Variants in DERA observed in about 807,000 individuals in gnomAD.
DERA encodes the protein 2-deoxy-D-ribose 5-phosphate aldolase.
DERA carries 15 observed loss-of-function variants against 41.1 expected under a neutral mutation model. The ratio of observed to expected loss-of-function variants is 0.37; its 90% CI spans 0.24 to 0.56. DERA has a LOEUF of 0.56. Among genes scored for constraint, DERA ranks in the 20% least tolerant of loss-of-function variants. The probability of loss-of-function intolerance (pLI) is 0.81; values close to 1 mark genes in which losing one functional copy is unlikely to be tolerated. For missense variants in DERA, 396 were observed against 403.4 expected, an observed-to-expected ratio of 0.98 and a Z score of 0.16; for synonymous variants, 139 against 137.4, an observed-to-expected ratio of 1.01 and a Z score of -0.08.
rs1000563901 is a variant in DERA at position 15,967,977 on chromosome 12, G to A, written c.508+5030G>A. Among the ~76,000 whole-genome samples the A allele has an allele frequency of 6.6e-6, 1 of 152,114 alleles. No individual in the cohort carries two copies. Among genetic ancestry groups the A allele is most frequent in the Non-Finnish European group, 1.5e-5 (1 of 68,028 alleles). The stretch of plus-strand genomic sequence containing the variant: ...AGAATTGAGGTGTGTATGTGAGGGA[G>A]GAATAGGCTTCTAAATGGGGAAAAT... On this transcript the variant is annotated intron_variant, in intron 5 of 8. Coordinates refer to ENST00000428559, the MANE Select transcript of DERA (RefSeq NM_015954.4). This position sits in a 1 kb window ranked among gnomAD's most constrained non-coding sequence, Gnocchi z 4.9.
At position 15,939,924 on chromosome 12, in the gene DERA, T is replaced by C. The variant is rs192786247; in HGVS notation, c.32-17012T>C. On this transcript the variant is annotated intron_variant, in intron 1 of 8. Transcript: ENST00000428559. ...TGTTTAAAATTTGGCAATGACAGCT[T>C]TTACTTTAGTTGTTAGACTATGGAA... is the stretch of plus-strand genomic sequence containing the variant. 1.2e-3 allele frequency among the ~76,000 whole-genome samples: 177 copies of C among 152,350 alleles called. 1 individual carries two copies. Among genetic ancestry groups the C allele is most frequent in the Non-Finnish European group, 2.1e-3 (143 of 68,026 alleles).
rs1398096154 is a variant in DERA, at chr12:16,037,373, G to C, written c.*627G>C. 1 of 152,136 alleles carries C rather than the reference G, an allele frequency of 6.6e-6. No homozygotes were observed. The highest frequency in any genetic ancestry group is 2.4e-5 in the African/African-American group (1 of 41,420). 9.4% of individuals were successfully genotyped at this position (152,136 alleles called of 1,614,324 possible). A position where few individuals can be genotyped will look rare whatever the true frequency, so the allele number is the denominator to read the frequency against. ...ATCCATTAAACATAAAAAGAGGTTT[G>C]ATCAGTGAGTCTCTGAATCTCTCTA... On this transcript the variant is annotated 3_prime_UTR_variant, in exon 9 of 9. Coordinates refer to ENST00000428559, the MANE Select transcript of DERA (RefSeq NM_015954.4). This position sits in a 1 kb window ranked among gnomAD's most constrained non-coding sequence, Gnocchi z 6.7.
rs1948523046 is a variant in DERA, at chr12:15,954,523, G to A, written c.32-2413G>A. Among the ~76,000 whole-genome samples, 1 of 152,206 alleles carries A rather than the reference G, an allele frequency of 6.6e-6. No homozygotes were observed. The highest frequency in any genetic ancestry group is 6.5e-5 in the Admixed American group (1 of 15,276). On this transcript the variant is annotated intron_variant, in intron 1 of 8. Transcript: ENST00000428559. The surrounding 1 kb of genome is among the most constrained non-coding windows in gnomAD (Gnocchi z 4.0). ...GCAGCAGTTCACTGTTCGCAAAGCA[G>A]GGAGGGCATTCTTGGTAGAAGGAGC...
At chr12:15,923,362 C>G (rs1363182082) in intron 1 of DERA, among the ~76,000 whole-genome samples, 2 of 152,154 alleles carry the variant, frequency 1.3e-5, no homozygotes, top group African/African-American at 4.8e-5. Flanking sequence ...TTCTGAAAAC[C>G]CTTCTGGTTC....
Position 15,993,394 on chromosome 12 carries a change from G to C in DERA, c.637+10958G>C, listed in dbSNP as rs947326700. ...TCTAAAGATTGTCACAAGTTACATG[G>C]AATCCCTCCTCTTAGGCTGCAAGTC... On this transcript the variant is annotated intron_variant, in intron 6 of 8. Coordinates refer to ENST00000428559, the MANE Select transcript of DERA (RefSeq NM_015954.4). This position sits in a 1 kb window ranked among gnomAD's most constrained non-coding sequence, Gnocchi z 4.4. Among the ~76,000 whole-genome samples the C allele has an allele frequency of 6.6e-6, 1 of 151,502 alleles. No homozygotes were observed. Among genetic ancestry groups the C allele is most frequent in the Non-Finnish European group, 1.5e-5 (1 of 67,936 alleles).
chr12:16,001,917 T>C lies in DERA; in HGVS notation c.637+19481T>C, dbSNP rs1948877566. Among the ~76,000 whole-genome samples, 1 of 152,188 alleles carries C rather than the reference T, an allele frequency of 6.6e-6. No individual in the cohort carries two copies. Among genetic ancestry groups the C allele is most frequent in the Non-Finnish European group, 1.5e-5 (1 of 68,032 alleles). ...GGACTTTTCAGACAAAATACTGCTTTCTTTGCCTAATCAAGTAAAGTTAGG... is the reference window on the plus strand; with the variant it reads ...GGACTTTTCAGACAAAATACTGCTTCCTTTGCCTAATCAAGTAAAGTTAGG... On this transcript the variant is annotated intron_variant, in intron 6 of 8. Coordinates refer to ENST00000428559, the MANE Select transcript of DERA (RefSeq NM_015954.4). This position sits in a 1 kb window ranked among gnomAD's most constrained non-coding sequence, Gnocchi z 4.1.
intron 5 of DERA, among the ~76,000 whole-genome samples, chr12:15,974,719 C>G (rs1410387508): frequency 6.6e-6 from 1 of 152,158 alleles, no homozygotes; most frequent in African/African-American, 2.4e-5. Flanking sequence ...TTTTCCTCAT[C>G]TAACTTTTAT....
chr12:16,025,194 T>C (rs1435943127), intron 6 of DERA, among the ~76,000 whole-genome samples: 2 of 152,134 alleles, frequency 1.3e-5, no homozygotes, highest in African/African-American at 4.8e-5. Flanking sequence ...ATAAACATGG[T>C]ATATATTAAT....
At position 15,924,563 on chromosome 12, in the gene DERA, T is replaced by C. The variant is rs975233135; in HGVS notation, c.31+13149T>C. ...CAAGTATGGTGTGACCTTGAACAAG[T>C]AATTTAATATCTGAGCTTCAGCTGT... On this transcript the variant is annotated intron_variant, in intron 1 of 8. Coordinates refer to ENST00000428559, the MANE Select transcript of DERA (RefSeq NM_015954.4). This position sits in a 1 kb window ranked among gnomAD's most constrained non-coding sequence, Gnocchi z 5.0. 3.3e-5 allele frequency among the ~76,000 whole-genome samples: 5 copies of C among 152,212 alleles called. No individual in the cohort carries two copies. Among genetic ancestry groups the C allele is most frequent in the African/African-American group, 1.2e-4 (5 of 41,452 alleles).
chr12:15,984,488 C>T lies in DERA; in HGVS notation c.637+2052C>T, dbSNP rs1019753257. Among the ~76,000 whole-genome samples the T allele has an allele frequency of 1.3e-4, 20 of 152,078 alleles. No homozygotes were observed. The highest frequency in any genetic ancestry group is 3.9e-4 in the East Asian group (2 of 5,190). On this transcript the variant is annotated intron_variant, in intron 6 of 8. Coordinates refer to ENST00000428559, the MANE Select transcript of DERA (RefSeq NM_015954.4). The surrounding 1 kb of genome is among the most constrained non-coding windows in gnomAD (Gnocchi z 4.5). ...GAGCACTTAGTATGAGTAATAAAACCGTATTCATGGTGTGCTTTACCAGGT... is the reference window on the plus strand; with the variant it reads ...GAGCACTTAGTATGAGTAATAAAACTGTATTCATGGTGTGCTTTACCAGGT...
At position 16,026,428 on chromosome 12, in the gene DERA, A is replaced by G. The variant is rs1949053759; in HGVS notation, c.638-6114A>G. ...ACAGCTCTATTTTCACAAATTTGAT[A>G]ACTTAGGTGAAATGGATCAATCCTC... On this transcript the variant is annotated intron_variant, in intron 6 of 8. Transcript: ENST00000428559. The surrounding 1 kb of genome is among the most constrained non-coding windows in gnomAD (Gnocchi z 4.4). Among the ~76,000 whole-genome samples the G allele has an allele frequency of 6.6e-6, 1 of 151,844 alleles. No individual in the cohort carries two copies. Among genetic ancestry groups the G allele is most frequent in the African/African-American group, 2.4e-5 (1 of 41,420 alleles).
chr12:16,024,080 G>A (rs145460362), intron 6 of DERA, among the ~76,000 whole-genome samples: 3 of 152,264 alleles, frequency 2.0e-5, no homozygotes, highest in Non-Finnish European at 1.5e-5. Context: ...TAGGTCAATA[G>A]AAACTTCTTA....
At chr12:15,958,463 G>GTA in intron 3 of DERA, 128 bp downstream of exon 3, 1 of 467,562 alleles carries the variant, frequency 2.1e-6, no homozygotes, top group Non-Finnish European at 3.3e-6. Context: ...CTCTTGCTGT[G>GTA]TATACATAGA....
intron 7 of DERA, among the ~76,000 whole-genome samples, chr12:16,034,469 T>C (rs1949113607): frequency 6.6e-6 from 1 of 152,200 alleles, no homozygotes; most frequent in South Asian, 2.1e-4. Flanking sequence ...CATCCTAGTT[T>C]TATTAAGAAA....
intron 1 of DERA, among the ~76,000 whole-genome samples, chr12:15,912,069 G>C (rs984277312): frequency 6.6e-6 from 1 of 151,520 alleles, no homozygotes; most frequent in African/African-American, 2.4e-5. Flanking sequence ...TCGCAGAGGG[G>C]GATTTGGCAG....
intron 5 of DERA, among the ~76,000 whole-genome samples, chr12:15,974,255 G>A (rs1322524989): frequency 2.0e-5 from 3 of 152,058 alleles, no homozygotes; most frequent in Admixed American, 6.6e-5. Context: ...ATGACCATAC[G>A]GCCATTAAAT....
In DERA at chr12:15,924,831, T is replaced by C. The variant is rs1168079540; in HGVS notation, c.31+13417T>C. 6.6e-6 allele frequency among the ~76,000 whole-genome samples: 1 copy of C among 152,226 alleles called. No homozygotes were observed. Among genetic ancestry groups the C allele is most frequent in the African/African-American group, 2.4e-5 (1 of 41,462 alleles). On this transcript the variant is annotated intron_variant, in intron 1 of 8. Transcript: ENST00000428559. The surrounding 1 kb of genome is among the most constrained non-coding windows in gnomAD (Gnocchi z 5.0). ...ACTGATCTGCTAAGATACTTTGCCTTCTTTTATGGTACCTACCAATTTCAG... is the reference window on the plus strand; with the variant it reads ...ACTGATCTGCTAAGATACTTTGCCTCCTTTTATGGTACCTACCAATTTCAG...
Position 15,928,603 on chromosome 12 carries a change from C to T in DERA, c.31+17189C>T, listed in dbSNP as rs1362240037. On this transcript the variant is annotated intron_variant, in intron 1 of 8. Transcript: ENST00000428559. This position sits in a 1 kb window ranked among gnomAD's most constrained non-coding sequence, Gnocchi z 4.6. ...CCTTATGAAGTAGGGGAGATTTTGC[C>T]TGTGGGTGTGTTGGACTCTTATTGC... 6.6e-6 allele frequency among the ~76,000 whole-genome samples: 1 copy of T among 152,134 alleles called. No individual in the cohort carries two copies. The highest frequency in any genetic ancestry group is 1.9e-4 in the East Asian group (1 of 5,176).
At chr12:15,927,371 A>G (rs1189491306) in intron 1 of DERA, among the ~76,000 whole-genome samples, 2 of 152,346 alleles carry the variant, frequency 1.3e-5, no homozygotes, top group African/African-American at 2.4e-5. Context: ...TAGATAAATA[A>G]TCAGAGACAA....
Sources: gnomAD v4.1 joint callset for allele counts (sites outside exome capture counted in the v4.1 genomes callset) on GRCh38, gnomAD v4.1.1 for gene constraint, Gnocchi (gnomAD v3.1) non-coding constraint, MANE v1.5 for transcripts, NCBI Gene and HGNC (gene_info 2026-07-23, HGNC 2026-07-21) for gene names.